The following MYH16 variants were observed in gnomAD, a reference collection of about 807,000 sequenced individuals.
MYH16 encodes the protein putative uncharacterized protein MYH16.
At chr7:99,260,377 C>A in intron 12 of MYH16, 3 of 834,646 alleles carry the variant, frequency 3.6e-6, no homozygotes, top group South Asian at 1.5e-5. Context: ...AGGCCAGGGC[C>A]AAGGGATGTC....
chr7:99,275,368 G>A (rs948284079), intron 20 of MYH16, among the ~76,000 whole-genome samples: 3 of 152,154 alleles, frequency 2.0e-5, no homozygotes, highest in Admixed American at 6.5e-5. Flanking sequence ...CTGATCTCAA[G>A]TGATCCTCCC....
chr7:99,277,761 C>T (rs919933667), intron 21 of MYH16, 49 bp downstream of exon 3: 1 of 411,864 alleles, frequency 2.4e-6, no homozygotes, highest in Non-Finnish European at 4.9e-6. Context: ...ACAGCCTGGA[C>T]CCTGGGAGGG....
chr7:99,275,157 C>A (rs1421136029), intron 20 of MYH16, among the ~76,000 whole-genome samples: 1 of 151,846 alleles, frequency 6.6e-6, no homozygotes, highest in Non-Finnish European at 1.5e-5. Context: ...CCATGCCCAG[C>A]TAATTTTTAA....
chr7:99,264,277 C>T (rs1301354700), exon 15 of MYH16: 5 of 152,696 alleles, frequency 3.3e-5, no homozygotes, highest in African/African-American at 1.2e-4. Flanking sequence ...AAGAGAGGCT[C>T]CTCCTTCATG....
chr7:99,285,295 T>A, intron 26 of MYH16, 87 bp from the exon 9 acceptor site: 2 of 445,712 alleles, frequency 4.5e-6, no homozygotes, highest in Non-Finnish European at 9.0e-6. Context: ...TATTCTCACA[T>A]CCCTATTTTC....
rs1243450756 is a variant in MYH16 at position 99,273,029 on chromosome 7, T to C, written n.2404-313T>C. ...TTGCAGATCCATGGGATTTGGAGAC[T>C]AATGGGTGATTTCTGGTGGAGGAGG... On this transcript the variant is annotated intron_variant and non_coding_transcript_variant, in intron 19 of 41. The change abolishes the stop of an existing upstream ORF in the 5' untranslated region. Transcript: ENST00000439784. Among the ~76,000 whole-genome samples the C allele has an allele frequency of 6.6e-6, 1 of 152,154 alleles. No homozygotes were observed. Among genetic ancestry groups the C allele is most frequent in the Non-Finnish European group, 1.5e-5 (1 of 68,016 alleles).
intron 19 of MYH16, among the ~76,000 whole-genome samples, chr7:99,272,352 A>C (rs914712535): frequency 6.6e-6 from 1 of 152,172 alleles, no homozygotes; most frequent in Admixed American, 6.6e-5. Context: ...AGGTTCATGC[A>C]GAGCCAGGAT....
chr7:99,258,747 G>A (rs537209919), intron 11 of MYH16, among the ~76,000 whole-genome samples: 1 of 151,852 alleles, frequency 6.6e-6, no homozygotes. Context: ...TTACACCATG[G>A]ACATTGGCAA....
exon 34 of MYH16, chr7:99,296,705 A>G (rs1584358458): frequency 8.8e-6 from 4 of 455,594 alleles, no homozygotes; most frequent in South Asian, 3.1e-5. Context: ...CCCTAGGCCA[A>G]TGCTGCAGCT....
intron 33 of MYH16, 85 bp from the exon 15 acceptor site, chr7:99,296,616 G>A (rs954378343): frequency 4.6e-6 from 2 of 433,000 alleles, no homozygotes; most frequent in Non-Finnish European, 9.3e-6. Flanking sequence ...GGGAAAGGGA[G>A]GGAAGAGAGG....
intron 6 of MYH16, among the ~76,000 whole-genome samples, chr7:99,251,535 G>A (rs1036684207): frequency 1.3e-5 from 2 of 152,156 alleles, no homozygotes; most frequent in Non-Finnish European, 2.9e-5. Context: ...TCAATTGTGC[G>A]AAAACATTCT....
chr7:99,299,021 G>A (rs1387577868), intron 36 of MYH16, among the ~76,000 whole-genome samples: 1 of 150,772 alleles, frequency 6.6e-6, no homozygotes, highest in African/African-American at 2.4e-5. Context: ...GAGCTCAGGA[G>A]TTTGAGATCA....
At chr7:99,254,746 G>C (rs1442812505) in intron 8 of MYH16, among the ~76,000 whole-genome samples, 1 of 152,228 alleles carries the variant, frequency 6.6e-6, no homozygotes, top group Non-Finnish European at 1.5e-5. Context: ...TAAGGGCATT[G>C]AGTACCATTC....
At chr7:99,265,402 C>G (rs1418964485) in intron 16 of MYH16, among the ~76,000 whole-genome samples, 2 of 152,168 alleles carry the variant, frequency 1.3e-5, no homozygotes, top group African/African-American at 4.8e-5. Context: ...AACTTGGGAG[C>G]TTTTGGGCAT....
intron 27 of MYH16, among the ~76,000 whole-genome samples, chr7:99,285,743 A>C (rs1792268178): frequency 6.6e-6 from 1 of 152,248 alleles, no homozygotes; most frequent in Admixed American, 6.5e-5. Flanking sequence ...AGAAGCAAGG[A>C]GAAAGGTCTG....
exon 26 of MYH16, chr7:99,284,879 T>C (rs1255304995): frequency 2.6e-5 from 12 of 456,508 alleles, no homozygotes; most frequent in African/African-American, 2.2e-4. Flanking sequence ...CAACTCGAAA[T>C]ATGAGGATGA....
intron 2 of MYH16, among the ~76,000 whole-genome samples, chr7:99,246,612 G>A (rs1026082882): frequency 1.3e-5 from 2 of 152,164 alleles, no homozygotes; most frequent in African/African-American, 4.8e-5. Context: ...TGAGGCAGGA[G>A]AATTGCTTGA....
At chr7:99,279,121 G>A (rs1226166478) in intron 21 of MYH16, among the ~76,000 whole-genome samples, 3 of 152,082 alleles carry the variant, frequency 2.0e-5, no homozygotes, top group African/African-American at 4.8e-5. Flanking sequence ...AGCCTAGAAG[G>A]TCGAGGCTGC....
At chr7:99,281,690 A>G (rs979847829) in intron 23 of MYH16, among the ~76,000 whole-genome samples, 4 of 152,306 alleles carry the variant, frequency 2.6e-5, no homozygotes, top group Non-Finnish European at 5.9e-5. Flanking sequence ...AGCCCCAGCA[A>G]AGCCTAAGAC....
Sources: gnomAD v4.1 joint callset for allele counts (sites outside exome capture counted in the v4.1 genomes callset) on GRCh38, gnomAD v4.1.1 for gene constraint, MANE v1.5 for transcripts, NCBI Gene and HGNC (gene_info 2026-07-23, HGNC 2026-07-21) for gene names.